Variants in SCAI observed in about 807,000 individuals in gnomAD.
SCAI encodes suppressor of cancer cell invasion, also known as protein SCAI.
In SCAI, 24 loss-of-function variants were observed where a neutral mutation model predicts 92.2. That is an observed-to-expected ratio of 0.26 (90% confidence interval 0.19 to 0.37). SCAI has a LOEUF of 0.37. Among genes scored for constraint, SCAI ranks in the 10% least tolerant of loss-of-function variants. The pLI, the probability that SCAI is intolerant of heterozygous loss-of-function variation, is 1.00. For missense variants in SCAI, 450 were observed against 736.2 expected (o/e 0.61, Z 4.50); for synonymous variants, 261 against 258.6 (o/e 1.01, Z -0.09).
At chr9:125,100,456 C>T (rs976436363) in intron 2 of SCAI, among the ~76,000 whole-genome samples, 1 of 152,248 alleles carries the variant, frequency 6.6e-6, no homozygotes, top group East Asian at 1.9e-4. Context: ...ACAAAGCAGA[C>T]GAGTGCCAGC....
intron 17 of SCAI, among the ~76,000 whole-genome samples, chr9:124,953,896 A>G (rs1485518925): frequency 2.0e-5 from 3 of 152,138 alleles, no homozygotes; most frequent in African/African-American, 7.2e-5. Flanking sequence ...TTTTTGAGAT[A>G]AAATCTCACT....
chr9:124,968,686 A>T, intron 17 of SCAI: 1 of 1,364,372 alleles, frequency 7.3e-7, no homozygotes, highest in Non-Finnish European at 1.0e-6. Flanking sequence ...AAAGTTCCCG[A>T]TTTCCTCAAA....
At position 125,091,430 on chromosome 9, in the gene SCAI, C is replaced by A. The variant is rs78100470; in HGVS notation, c.99-35423G>T. On this transcript the variant is annotated intron_variant, in intron 2 of 17. Coordinates refer to ENST00000336505, the MANE Select transcript of SCAI (RefSeq NM_001144877.3). This position sits in a 1 kb window ranked among gnomAD's most constrained non-coding sequence, Gnocchi z 4.3. ...CGTTTCTTTTTTGCTTTTTTAATGACCTGTCATTCACTAAGTTTAGCCTTC... is the reference window on the plus strand; with the variant it reads ...CGTTTCTTTTTTGCTTTTTTAATGAACTGTCATTCACTAAGTTTAGCCTTC... Among the ~76,000 whole-genome samples, 1 of 151,992 alleles carries A rather than the reference C, an allele frequency of 6.6e-6. No homozygotes were observed. The highest frequency in any genetic ancestry group is 1.5e-5 in the Non-Finnish European group (1 of 68,000).
intron 3 of SCAI, among the ~76,000 whole-genome samples, chr9:125,045,070 A>G (rs958116559): frequency 6.6e-6 from 1 of 152,202 alleles, no homozygotes; most frequent in African/African-American, 2.4e-5. Flanking sequence ...AGCCAGTAGC[A>G]TAAGTCAAGC....
chr9:125,066,114 A>G (rs905052447), intron 2 of SCAI: 1 of 673,802 alleles, frequency 1.5e-6, no homozygotes, highest in Non-Finnish European at 2.7e-6. Flanking sequence ...TTATTTGTAC[A>G]TAACATGAAC....
chr9:125,048,211 C>A (rs906381946), intron 3 of SCAI, among the ~76,000 whole-genome samples: 4 of 152,122 alleles, frequency 2.6e-5, no homozygotes, highest in African/African-American at 9.7e-5. Context: ...TTCCTAACCT[C>A]AAGTGATCCA....
intron 2 of SCAI, among the ~76,000 whole-genome samples, chr9:125,105,840 T>C (rs1394891607): frequency 3.3e-5 from 5 of 151,882 alleles, no homozygotes; most frequent in African/African-American, 1.2e-4. Context: ...GGCTCACGCC[T>C]GTAATCCCAG....
At chr9:125,024,533 C>T (rs1405205627) in intron 6 of SCAI, among the ~76,000 whole-genome samples, 1 of 152,138 alleles carries the variant, frequency 6.6e-6, no homozygotes, top group Non-Finnish European at 1.5e-5. Context: ...CCTTGGCTTC[C>T]CAAAGTGCTG....
chr9:125,102,219 T>C (rs941296024), intron 2 of SCAI, among the ~76,000 whole-genome samples: 11 of 152,240 alleles, frequency 7.2e-5, no homozygotes, highest in Admixed American at 2.6e-4. Flanking sequence ...TGTTTTAATA[T>C]ATGCTTCCAT....
chr9:125,090,884 C>T (rs1178035221), intron 2 of SCAI, among the ~76,000 whole-genome samples: 4 of 151,930 alleles, frequency 2.6e-5, no homozygotes, highest in Admixed American at 6.6e-5. Flanking sequence ...TTTGGGAGGC[C>T]GAGGCAGGTG....
intron 17 of SCAI, among the ~76,000 whole-genome samples, chr9:124,958,921 GAACA>G (rs1238875432): frequency 3.0e-5 from 4 of 134,666 alleles, no homozygotes; most frequent in Non-Finnish European, 6.5e-5. Context: ...AAAAAAAAAA[GAACA>G]AACAAAAAAA....
intron 14 of SCAI, among the ~76,000 whole-genome samples, chr9:124,985,452 T>C (rs954452279): frequency 6.6e-6 from 1 of 152,148 alleles, no homozygotes; most frequent in East Asian, 1.9e-4. Flanking sequence ...TAGGGCTCTA[T>C]GAACTTCATA....
At chr9:125,004,262 G>A (rs972394203) in intron 9 of SCAI, among the ~76,000 whole-genome samples, 5 of 151,886 alleles carry the variant, frequency 3.3e-5, no homozygotes, top group African/African-American at 4.8e-5. Flanking sequence ...GAATTCACAC[G>A]TGTAGGTAGT....
At chr9:125,067,254 G>A (rs1185013118) in intron 2 of SCAI, among the ~76,000 whole-genome samples, 1 of 152,170 alleles carries the variant, frequency 6.6e-6, no homozygotes, top group Admixed American at 6.6e-5. Flanking sequence ...CCTAACTTCT[G>A]GTACCTGTGA....
intron 2 of SCAI, among the ~76,000 whole-genome samples, chr9:125,088,120 CAG>C (rs1296341835): frequency 6.6e-6 from 1 of 151,864 alleles, no homozygotes; most frequent in Non-Finnish European, 1.5e-5. Flanking sequence ...TTTTTTGAGA[CAG>C]GGTCTCACTG....
intron 3 of SCAI, among the ~76,000 whole-genome samples, chr9:125,052,883 A>G (rs1165396285): frequency 6.0e-5 from 9 of 151,190 alleles, no homozygotes. Context: ...AAGAGACACC[A>G]TTTACATCCA....
At chr9:125,101,579 G>C (rs1363421783) in intron 2 of SCAI, among the ~76,000 whole-genome samples, 1 of 152,194 alleles carries the variant, frequency 6.6e-6, no homozygotes, top group African/African-American at 2.4e-5. Flanking sequence ...GGAAGTGTTA[G>C]GGTTGAGAAG....
At chr9:125,097,336 G>A (rs1834579924) in intron 2 of SCAI, among the ~76,000 whole-genome samples, 1 of 152,100 alleles carries the variant, frequency 6.6e-6, no homozygotes, top group Non-Finnish European at 1.5e-5. Context: ...AGGAGGCTGA[G>A]ACAGGAGAAT....
At chr9:125,046,341 A>ATGTG (rs139304609) in intron 3 of SCAI, among the ~76,000 whole-genome samples, 20,799 of 80,074 alleles carry the variant, frequency 0.26, 3,997 homozygotes, top group East Asian at 0.57. Flanking sequence ...ACATATATAT[A>ATGTG]TGTGTGTGTG....
Sources: gnomAD v4.1 joint callset for allele counts (sites outside exome capture counted in the v4.1 genomes callset) on GRCh38, gnomAD v4.1.1 for gene constraint, Gnocchi (gnomAD v3.1) non-coding constraint, MANE v1.5 for transcripts, NCBI Gene and HGNC (gene_info 2026-07-23, HGNC 2026-07-21) for gene names.